The following PPP3CA variants were observed in gnomAD, a reference collection of about 807,000 sequenced individuals.
PPP3CA encodes the protein protein phosphatase 3 catalytic subunit alpha.
In PPP3CA, 14 loss-of-function variants were observed where a neutral mutation model predicts 66.5. The observed-to-expected ratio is 0.21, with a 90% CI of 0.14 to 0.33. The LOEUF (loss-of-function observed/expected upper bound fraction) is 0.33. Ranked by LOEUF, PPP3CA falls within the 10% of genes least tolerant of loss-of-function variation. The pLI is 1.00. For synonymous variants in PPP3CA, 232 were observed against 226.2 expected (o/e 1.03, Z -0.23); for missense variants, 317 against 639.5 (o/e 0.50, Z 5.44).
intron 11 of PPP3CA, among the ~76,000 whole-genome samples, chr4:101,040,142 C>G (rs946203147): frequency 4.6e-5 from 7 of 151,782 alleles, no homozygotes; most frequent in African/African-American, 1.7e-4. Flanking sequence ...CGAGCCAGAA[C>G]GAAAAACAAA....
At chr4:101,162,465 T>A (rs1215242911) in intron 2 of PPP3CA, among the ~76,000 whole-genome samples, 1 of 145,710 alleles carries the variant, frequency 6.9e-6, no homozygotes. Flanking sequence ...GGGAAGCAGA[T>A]GTTGCAGTGA....
At chr4:101,073,640 T>C (rs1729021838) in intron 8 of PPP3CA, among the ~76,000 whole-genome samples, 1 of 152,170 alleles carries the variant, frequency 6.6e-6, no homozygotes, top group Non-Finnish European at 1.5e-5. Context: ...TATAAATTAT[T>C]GTATTTCATA....
chr4:101,236,253 C>T (rs1726125543), intron 1 of PPP3CA, among the ~76,000 whole-genome samples: 1 of 151,248 alleles, frequency 6.6e-6, no homozygotes, highest in Non-Finnish European at 1.5e-5. Flanking sequence ...GAGGAAGTAA[C>T]ATTTTGGTCA....
intron 1 of PPP3CA, among the ~76,000 whole-genome samples, chr4:101,265,820 A>C (rs762565069): frequency 6.6e-6 from 1 of 152,222 alleles, no homozygotes; most frequent in Non-Finnish European, 1.5e-5. Flanking sequence ...TCCACTGGTC[A>C]TTCACTTACA....
intron 2 of PPP3CA, among the ~76,000 whole-genome samples, chr4:101,132,271 A>G (rs1425616212): frequency 1.3e-5 from 2 of 152,224 alleles, no homozygotes; most frequent in African/African-American, 4.8e-5. Context: ...ACCAAAGGAC[A>G]TAGAGACACA....
In PPP3CA at chr4:101,236,537, T is replaced by C. The variant is rs143431946; in HGVS notation, c.59-40421A>G. 2.6e-5 allele frequency among the ~76,000 whole-genome samples: 4 copies of C among 152,062 alleles called. No individual in the cohort carries two copies. In the East Asian group the frequency reaches 7.8e-4, roughly 30 times the overall value. On this transcript the variant is annotated intron_variant, in intron 1 of 13. Transcript: ENST00000394854. The stretch of plus-strand genomic sequence containing the variant: ...GTAAAATTCAACAAAATTATCTCTC[T>C]CTATGCTGTGTGGACAATGAGAGCA...
Position 101,040,466 on chromosome 4 carries a change from G to C in PPP3CA, c.1241+16C>G. The C allele has an allele frequency of 6.4e-7, 1 of 1,566,236 alleles. No individual in the cohort carries two copies. The highest frequency in any genetic ancestry group is 8.7e-7 in the Non-Finnish European group (1 of 1,152,738). ...TAATACAATTTGAAACAAAAACAGAGTACGAATGCACCCACCTGAGCACTG... is the reference window on the plus strand; with the variant it reads ...TAATACAATTTGAAACAAAAACAGACTACGAATGCACCCACCTGAGCACTG... On this transcript the variant is annotated intron_variant, in intron 11 of 13. Coordinates refer to ENST00000394854, the MANE Select transcript of PPP3CA (RefSeq NM_000944.5).
intron 2 of PPP3CA, among the ~76,000 whole-genome samples, chr4:101,122,228 G>A (rs1271201135): frequency 6.6e-6 from 1 of 152,216 alleles, no homozygotes; most frequent in African/African-American, 2.4e-5. Flanking sequence ...CTTTGGAATA[G>A]TGAGAGGAAC....
chr4:101,272,789 T>C (rs1369044079), intron 1 of PPP3CA, among the ~76,000 whole-genome samples: 1 of 152,242 alleles, frequency 6.6e-6, no homozygotes, highest in Non-Finnish European at 1.5e-5. Flanking sequence ...GTATCATATC[T>C]TCTTAATGGA....
At chr4:101,179,161 T>C (rs975931688) in intron 2 of PPP3CA, among the ~76,000 whole-genome samples, 1 of 152,016 alleles carries the variant, frequency 6.6e-6, no homozygotes, top group African/African-American at 2.4e-5. Flanking sequence ...ACTCTCATCG[T>C]AGAAAACAAA....
intron 2 of PPP3CA, among the ~76,000 whole-genome samples, chr4:101,109,308 T>TAAAAAAAAAAAA (rs70961775): frequency 5.6e-5 from 5 of 90,038 alleles, no homozygotes; most frequent in South Asian, 3.8e-4. Context: ...ACAGATTAAC[T>TAAAAAAAAAAAA]AAAAAAAAAA....
chr4:101,165,698 G>T (rs1490869009), intron 2 of PPP3CA, among the ~76,000 whole-genome samples: 1 of 152,044 alleles, frequency 6.6e-6, no homozygotes, highest in African/African-American at 2.4e-5. Flanking sequence ...CCATATACAA[G>T]CACAAAGCAG....
At chr4:101,218,976 C>T (rs1308629185) in intron 1 of PPP3CA, among the ~76,000 whole-genome samples, 1 of 152,004 alleles carries the variant, frequency 6.6e-6, no homozygotes, top group Non-Finnish European at 1.5e-5. Flanking sequence ...TTTGAAAACA[C>T]CTGCTAAAGA....
At chr4:101,277,612 C>T (rs200740477) in intron 1 of PPP3CA, among the ~76,000 whole-genome samples, 3 of 152,148 alleles carry the variant, frequency 2.0e-5, no homozygotes, top group Non-Finnish European at 2.9e-5. Flanking sequence ...TCCTGTTAGA[C>T]AAAAATAGCC....
intron 8 of PPP3CA, among the ~76,000 whole-genome samples, chr4:101,077,784 A>G (rs1260568418): frequency 6.6e-6 from 1 of 152,020 alleles, no homozygotes; most frequent in Non-Finnish European, 1.5e-5. Flanking sequence ...ACACAGTGAA[A>G]GAACTACAAA....
intron 1 of PPP3CA, among the ~76,000 whole-genome samples, chr4:101,327,692 T>C (rs996105057): frequency 1.3e-5 from 2 of 148,410 alleles, no homozygotes; most frequent in African/African-American, 5.3e-5. Flanking sequence ...ATGTTGGGCA[T>C]AATGACAACT....
chr4:101,309,043 C>CT (rs1354496977), intron 1 of PPP3CA, among the ~76,000 whole-genome samples: 4 of 152,112 alleles, frequency 2.6e-5, no homozygotes, highest in Non-Finnish European at 4.4e-5. Flanking sequence ...AGAAGAATCA[C>CT]TTAAGCCTAG....
chr4:101,113,931 T>A (rs2110267519), intron 2 of PPP3CA, among the ~76,000 whole-genome samples: 1 of 152,222 alleles, frequency 6.6e-6, no homozygotes, highest in Non-Finnish European at 1.5e-5. Context: ...CCTTTTTTCT[T>A]CTACTTTACT....
chr4:101,047,131 C>A (rs1188440493), intron 10 of PPP3CA, among the ~76,000 whole-genome samples: 1 of 152,160 alleles, frequency 6.6e-6, no homozygotes, highest in African/African-American at 2.4e-5. Context: ...TATATCCCAG[C>A]AAAGGGATGT....
Sources: gnomAD v4.1 joint callset for allele counts (sites outside exome capture counted in the v4.1 genomes callset) on GRCh38, gnomAD v4.1.1 for gene constraint, MANE v1.5 for transcripts, NCBI Gene and HGNC (gene_info 2026-07-23, HGNC 2026-07-21) for gene names.